The following ZDHHC15 variants were observed in gnomAD, a reference collection of about 807,000 sequenced individuals.
The protein encoded by ZDHHC15 is palmitoyltransferase ZDHHC15.
A neutral mutation model predicts 31.7 loss-of-function variants in ZDHHC15; 19 were observed. The ratio of observed to expected loss-of-function variants is 0.60; its 90% CI spans 0.42 to 0.88. The LOEUF (loss-of-function observed/expected upper bound fraction) is 0.88. ZDHHC15 is among the 40% of genes least tolerant of loss of function. ZDHHC15 has a pLI of 0.00. For synonymous variants in ZDHHC15, 103 were observed against 90.0 expected, an observed-to-expected ratio of 1.14 and a Z score of -0.82; for missense variants, 209 against 251.2, an observed-to-expected ratio of 0.83 and a Z score of 1.14.
chrX:75,436,467 C>T (rs1258922054), intron 4 of ZDHHC15, among the ~76,000 whole-genome samples: 2 of 111,800 alleles, frequency 1.8e-5, no homozygotes, highest in East Asian at 2.8e-4. Flanking sequence ...GATGTAGGCA[C>T]TTAATGCTAT....
chrX:75,481,736 A>G (rs989640136), intron 2 of ZDHHC15, among the ~76,000 whole-genome samples: 1 of 111,623 alleles, frequency 9.0e-6, no homozygotes, highest in Non-Finnish European at 1.9e-5. Context: ...TTATGGAAGC[A>G]ATGGAACCAG....
chrX:75,402,198 C>T (rs1180494326), intron 10 of ZDHHC15, among the ~76,000 whole-genome samples: 1 of 111,717 alleles, frequency 9.0e-6, no homozygotes, highest in Non-Finnish European at 1.9e-5. Context: ...ATAATTAGAT[C>T]AAAGATACAA....
At chrX:75,401,274 GA>G (rs2083354126) in intron 10 of ZDHHC15, among the ~76,000 whole-genome samples, 2 of 106,370 alleles carry the variant, frequency 1.9e-5, no homozygotes, top group African/African-American at 6.8e-5. Context: ...AAAAAGAAAA[GA>G]AAAAAGAAAA....
chrX:75,507,585 C>T (rs1164054378), intron 1 of ZDHHC15, among the ~76,000 whole-genome samples: 1 of 111,707 alleles, frequency 9.0e-6, no homozygotes, highest in Non-Finnish European at 1.9e-5. Context: ...TCTGTTATCA[C>T]TAATCTCATG....
chrX:75,395,902 C>G (rs1251217178), intron 10 of ZDHHC15, among the ~76,000 whole-genome samples: 1 of 112,175 alleles, frequency 8.9e-6, no homozygotes, highest in Admixed American at 9.4e-5. Context: ...GAAAAGAACA[C>G]TCTCTTCAAC....
Position 75,473,307 on chromosome X carries a change from A to G in ZDHHC15, c.258+5584T>C, listed in dbSNP as rs572699025. ...TATGCTTTCAATCAGCATCCAATAT[A>G]TGGTACTCTTTCTTGCATAGGCAGG... On this transcript the variant is annotated intron_variant, in intron 3 of 11. Coordinates refer to ENST00000373367, the MANE Select transcript of ZDHHC15 (RefSeq NM_144969.3). 3.8e-3 allele frequency among the ~76,000 whole-genome samples: 428 copies of G among 111,845 alleles called. 2 individuals are homozygous for G. Among genetic ancestry groups the G allele is most frequent in the South Asian group, 0.038 (100 of 2,624 alleles).
chrX:75,462,134 T>A (rs1281555251), intron 3 of ZDHHC15, among the ~76,000 whole-genome samples: 2 of 111,505 alleles, frequency 1.8e-5, no homozygotes, highest in African/African-American at 6.5e-5. Flanking sequence ...ACAATCCTAG[T>A]TTCTAACAAA....
chrX:75,421,423 A>T (rs1448285072), intron 9 of ZDHHC15, among the ~76,000 whole-genome samples: 3 of 56,425 alleles, frequency 5.3e-5, no homozygotes, highest in South Asian at 7.1e-4. Flanking sequence ...TATATATATA[A>T]TATATATATA....
chrX:75,499,116 C>T (rs188631613), intron 2 of ZDHHC15, among the ~76,000 whole-genome samples: 2 of 111,509 alleles, frequency 1.8e-5, no homozygotes, highest in Non-Finnish European at 3.8e-5. Context: ...CATCTCTCAT[C>T]ATATACAAAA....
intron 1 of ZDHHC15, among the ~76,000 whole-genome samples, chrX:75,506,879 T>C (rs1036629948): frequency 8.9e-6 from 1 of 111,868 alleles, no homozygotes; most frequent in Non-Finnish European, 1.9e-5. Context: ...GTTTGGTATG[T>C]TTCCTATCCC....
In ZDHHC15 at chrX:75,479,855, T is replaced by A. The variant is rs1442986394; in HGVS notation, c.164-870A>T. Among the ~76,000 whole-genome samples, 3 of 112,303 alleles carry A rather than the reference T, an allele frequency of 2.7e-5. No homozygotes were observed. The East Asian group carries it at 8.4e-4, about 31-fold the overall frequency. ...AAAGACATGATTTCATTCTTTCTTATGGCTGAATAGTATTCCATTGAAGAT... is the reference window on the plus strand; with the variant it reads ...AAAGACATGATTTCATTCTTTCTTAAGGCTGAATAGTATTCCATTGAAGAT... On this transcript the variant is annotated intron_variant, in intron 2 of 11. Transcript: ENST00000373367.
intron 1 of ZDHHC15, among the ~76,000 whole-genome samples, chrX:75,515,573 G>A (rs1427575831): frequency 9.0e-6 from 1 of 111,653 alleles, no homozygotes; most frequent in Non-Finnish European, 1.9e-5. Context: ...AGGTATTGAT[G>A]GAATGTATCT....
chrX:75,449,365 C>T (rs1356982257), intron 4 of ZDHHC15, among the ~76,000 whole-genome samples: 1 of 110,842 alleles, frequency 9.0e-6, no homozygotes, highest in African/African-American at 3.3e-5. Flanking sequence ...CTATTACTGC[C>T]TATCCTGGGA....
chrX:75,488,164 C>T (rs979807843), intron 2 of ZDHHC15, among the ~76,000 whole-genome samples: 2 of 111,480 alleles, frequency 1.8e-5, no homozygotes, highest in Non-Finnish European at 1.9e-5. Context: ...ATACAAGAAG[C>T]CAAGAACACA....
chrX:75,471,442 A>T (rs1390191227), intron 3 of ZDHHC15, among the ~76,000 whole-genome samples: 3 of 111,968 alleles, frequency 2.7e-5, no homozygotes, highest in African/African-American at 9.7e-5. Context: ...ATGGGAAATA[A>T]ATCTGACTAA....
At chrX:75,490,023 G>T (rs2084851316) in intron 2 of ZDHHC15, among the ~76,000 whole-genome samples, 1 of 111,657 alleles carries the variant, frequency 9.0e-6, no homozygotes, top group African/African-American at 3.3e-5. Context: ...AATGAAGCGA[G>T]AAGAGAGGTT....
intron 10 of ZDHHC15, among the ~76,000 whole-genome samples, chrX:75,398,299 C>A (rs1409661536): frequency 8.9e-6 from 1 of 112,237 alleles, no homozygotes; most frequent in Non-Finnish European, 1.9e-5. Flanking sequence ...AAAGGGATTC[C>A]CCAGCACAGC....
intron 4 of ZDHHC15, among the ~76,000 whole-genome samples, chrX:75,444,677 TATA>T (rs1569332672): frequency 4.8e-5 from 2 of 41,752 alleles, no homozygotes; most frequent in African/African-American, 1.4e-4. Flanking sequence ...TATATATATA[TATA>T]TATATATACA....
At chrX:75,486,965 C>T (rs1385967474) in intron 2 of ZDHHC15, among the ~76,000 whole-genome samples, 1 of 111,199 alleles carries the variant, frequency 9.0e-6, no homozygotes, top group Non-Finnish European at 1.9e-5. Context: ...CCACCTATCA[C>T]CTGAAAAACG....
Sources: gnomAD v4.1 joint callset for allele counts (sites outside exome capture counted in the v4.1 genomes callset) on GRCh38, gnomAD v4.1.1 for gene constraint, MANE v1.5 for transcripts, NCBI Gene and HGNC (gene_info 2026-07-23, HGNC 2026-07-21) for gene names.